The following SPEF2 variants were observed in gnomAD, a reference collection of about 807,000 sequenced individuals.
SPEF2 encodes the protein sperm flagella and cilia-associated protein 2.
In SPEF2, 187 loss-of-function variants were observed where a neutral mutation model predicts 224.6. That is an observed-to-expected ratio of 0.83 (90% CI 0.74 to 0.94). SPEF2 has a LOEUF of 0.94. Ranked by LOEUF, SPEF2 falls within the 40% of genes least tolerant of loss-of-function variation. The pLI, the probability that SPEF2 is intolerant of heterozygous loss-of-function variation, is 0.00. For synonymous variants in SPEF2, 715 were observed against 707.3 expected (o/e 1.01, Z -0.17); for missense variants, 2,170 against 2,135.6 (o/e 1.02, Z -0.32).
At chr5:35,799,932 C>T (rs756618877) in intron 33 of SPEF2, 36 bp from the exon 34 acceptor site, 2 of 1,609,152 alleles carry the variant, frequency 1.2e-6, no homozygotes, top group Non-Finnish European at 1.7e-6. Context: ...TATGAGAGTG[C>T]ACCCATTTTA....
At chr5:35,622,368 A>C (rs1204454030) in intron 1 of SPEF2, among the ~76,000 whole-genome samples, 2 of 152,212 alleles carry the variant, frequency 1.3e-5, no homozygotes, top group Non-Finnish European at 2.9e-5. Context: ...AGATATAAAA[A>C]AATCCCATTG....
intron 9 of SPEF2, among the ~76,000 whole-genome samples, chr5:35,669,580 T>TA (rs1008633659): frequency 1.3e-5 from 2 of 152,154 alleles, no homozygotes; most frequent in Non-Finnish European, 2.9e-5. Context: ...TAATAGCTAG[T>TA]AAAATGTCCG....
chr5:35,712,895 G>A lies in SPEF2; in HGVS notation c.2914+9G>A, dbSNP rs754290867. On this transcript the variant is annotated intron_variant, in intron 20 of 36. Transcript: ENST00000356031. ...CGCACTCAAAAGAAAAGGTACAGCA[G>A]ATAAAAATATATATAATTACATGTA... The A allele has an allele frequency of 3.1e-6, 5 of 1,607,214 alleles. No homozygotes were observed. The Admixed American group carries it at 8.4e-5, about 27-fold the overall frequency.
intron 2 of SPEF2, among the ~76,000 whole-genome samples, chr5:35,636,190 A>C (rs977746493): frequency 1.3e-5 from 2 of 152,180 alleles, no homozygotes; most frequent in African/African-American, 4.8e-5. Context: ...CTGCAACTGA[A>C]GTCTCTAGTT....
chr5:35,636,920 G>T (rs1745910707), intron 2 of SPEF2, among the ~76,000 whole-genome samples: 1 of 150,318 alleles, frequency 6.7e-6, no homozygotes, highest in African/African-American at 2.5e-5. Context: ...AGGTTGCAAT[G>T]AGCTAAGATT....
At chr5:35,662,624 C>T (rs1451689556) in intron 8 of SPEF2, among the ~76,000 whole-genome samples, 1 of 152,104 alleles carries the variant, frequency 6.6e-6, no homozygotes, top group Non-Finnish European at 1.5e-5. Flanking sequence ...AGGGAGGGGT[C>T]CAGTTTCTAT....
chr5:35,810,525 G>C (rs1427342242), intron 36 of SPEF2, among the ~76,000 whole-genome samples: 4 of 152,200 alleles, frequency 2.6e-5, no homozygotes, highest in Admixed American at 6.5e-5. Flanking sequence ...TTCTGAAGGA[G>C]TGTCAGCAAC....
intron 25 of SPEF2, among the ~76,000 whole-genome samples, chr5:35,761,787 T>C: frequency 6.6e-6 from 1 of 152,182 alleles, no homozygotes; most frequent in Non-Finnish European, 1.5e-5. Flanking sequence ...CAGCACACAA[T>C]AGCAAGTTAG....
At chr5:35,810,366 C>T (rs1212066184) in intron 36 of SPEF2, among the ~76,000 whole-genome samples, 4 of 152,090 alleles carry the variant, frequency 2.6e-5, no homozygotes, top group Non-Finnish European at 4.4e-5. Flanking sequence ...TGCCTGCCAC[C>T]ACGCCCAGCT....
Position 35,763,507 on chromosome 5 carries a change from G to A in SPEF2, c.3621-15G>A. The A allele has an allele frequency of 6.5e-7, 1 of 1,531,688 alleles. No homozygotes were observed. Among genetic ancestry groups the A allele is most frequent in the South Asian group, 1.3e-5 (1 of 77,326 alleles). 94.9% of individuals were successfully genotyped at this position (1,531,688 alleles called of 1,614,324 possible). On this transcript the variant is annotated splice_polypyrimidine_tract_variant and intron_variant, in intron 25 of 36. Coordinates refer to ENST00000356031, the MANE Select transcript of SPEF2 (RefSeq NM_024867.4). ...GCAAAATTTTTTATCCTTTTTGCTTGTTTGTTTCTCAAAGAATTCCTCTAG... is the reference window on the plus strand; with the variant it reads ...GCAAAATTTTTTATCCTTTTTGCTTATTTGTTTCTCAAAGAATTCCTCTAG...
intron 21 of SPEF2, among the ~76,000 whole-genome samples, chr5:35,729,758 GA>G (rs1181495180): frequency 2.0e-5 from 3 of 152,090 alleles, no homozygotes; most frequent in Non-Finnish European, 4.4e-5. Context: ...GGAGATAATT[GA>G]ATCATAGGGG....
At chr5:35,627,007 A>G (rs2149366004) in intron 1 of SPEF2, among the ~76,000 whole-genome samples, 1 of 152,126 alleles carries the variant, frequency 6.6e-6, no homozygotes, top group East Asian at 1.9e-4. Flanking sequence ...AAATAGAACA[A>G]TCTGGCAAAA....
intron 12 of SPEF2, among the ~76,000 whole-genome samples, chr5:35,694,084 A>G (rs1484681818): frequency 3.3e-5 from 5 of 152,236 alleles, no homozygotes; most frequent in Admixed American, 2.0e-4. Context: ...GTGTATTTCT[A>G]TAAGTGCAAT....
chr5:35,675,935 G>C (rs1015341334), intron 10 of SPEF2: 8 of 456,156 alleles, frequency 1.8e-5, no homozygotes, highest in Middle Eastern at 3.2e-4. Context: ...AGGAATAGAA[G>C]ATGAACTTGG....
intron 24 of SPEF2, among the ~76,000 whole-genome samples, chr5:35,758,954 T>G: frequency 8.1e-6 from 1 of 122,894 alleles, no homozygotes; most frequent in Non-Finnish European, 1.6e-5. Flanking sequence ...TGCAATGAGC[T>G]GAGATCACAC....
chr5:35,618,512 G>A (rs1048876091), intron 1 of SPEF2, among the ~76,000 whole-genome samples: 1 of 152,146 alleles, frequency 6.6e-6, no homozygotes, highest in African/African-American at 2.4e-5. Context: ...GAAGCCACTG[G>A]ACAAGTTACA....
chr5:35,689,008 G>T (rs7444574), intron 10 of SPEF2, among the ~76,000 whole-genome samples: 16,786 of 151,770 alleles, frequency 0.11, 1,383 homozygotes, highest in East Asian at 0.38. Context: ...TCTGTATAAG[G>T]GTTATATTAG....
At chr5:35,692,840 A>C in intron 12 of SPEF2, 116 bp downstream of exon 12, 1 of 897,238 alleles carries the variant, frequency 1.1e-6, no homozygotes, top group Admixed American at 2.7e-5. Flanking sequence ...CCCAGAGAGT[A>C]AAAGTTTAGG....
At chr5:35,624,722 C>T (rs142754273) in intron 1 of SPEF2, among the ~76,000 whole-genome samples, 9 of 152,208 alleles carry the variant, frequency 5.9e-5, no homozygotes, top group Admixed American at 6.5e-5. Context: ...CTGCAACCTC[C>T]GCCTCCTGGG....
Sources: gnomAD v4.1 joint callset for allele counts (sites outside exome capture counted in the v4.1 genomes callset) on GRCh38, gnomAD v4.1.1 for gene constraint, MANE v1.5 for transcripts, NCBI Gene and HGNC (gene_info 2026-07-23, HGNC 2026-07-21) for gene names.